Variants in CORO2B observed in about 807,000 individuals in gnomAD.
CORO2B encodes coronin-2B.
In CORO2B, 26 loss-of-function variants were observed where a neutral mutation model predicts 58.8. The observed-to-expected ratio is 0.44, with a 90% CI of 0.32 to 0.61. The LOEUF is 0.61. CORO2B is among the 20% of genes least tolerant of loss of function. CORO2B has a pLI of 0.04. For missense variants in CORO2B, 460 were observed against 645.1 expected, an observed-to-expected ratio of 0.71 and a Z score of 3.11; for synonymous variants, 242 against 253.8, an observed-to-expected ratio of 0.95 and a Z score of 0.44.
chr15:68,645,350 C>T lies in CORO2B; in HGVS notation c.206C>T (p.Pro69Leu), dbSNP rs1901389883. Residue 69 changes from proline to leucine, a missense_variant, in exon 2 of 12, where the codon CCC becomes CTC. Pro to Leu is a moderately conservative substitution (Grantham distance 98, BLOSUM62 -3). Coordinates refer to ENST00000261861, the MANE Select transcript of CORO2B (RefSeq NM_006091.5). The surrounding 1 kb of genome is among the most constrained non-coding windows in gnomAD (Gnocchi z 4.5). ...GGGGGCGGCTCCTTCCTCGTCATCC[C>T]CCTGGAGCAGGTAGGTGGCCCCTAC... ...SAGGGSFLVI[P>L]LEQTGRIEPN... 1 of 1,611,172 alleles carries T rather than the reference C, an allele frequency of 6.2e-7. No homozygotes were observed.
At chr15:68,717,688 CAGA>C (rs5813507) in intron 8 of CORO2B, among the ~76,000 whole-genome samples, 125,820 of 151,984 alleles carry the variant, frequency 0.83, 55,249 homozygotes, top group Non-Finnish European at 0.96. Flanking sequence ...TGCTAAGTAG[CAGA>C]AGAAGAACTC....
At chr15:68,603,628 C>G (rs534274385) in intron 1 of CORO2B, among the ~76,000 whole-genome samples, 4 of 152,034 alleles carry the variant, frequency 2.6e-5, no homozygotes, top group Admixed American at 1.3e-4. Flanking sequence ...AGAGCCCTGG[C>G]CCAGTAGGAC....
At chr15:68,592,258 A>C (rs549063421) in intron 1 of CORO2B, among the ~76,000 whole-genome samples, 2 of 152,210 alleles carry the variant, frequency 1.3e-5, no homozygotes, top group South Asian at 4.1e-4. Flanking sequence ...GTTCATTGTC[A>C]TACATGTGGT....
chr15:68,544,055 A>G, the CORO2B span, among the ~76,000 whole-genome samples: 4,876 of 152,162 alleles, frequency 0.032, 278 homozygotes, highest in African/African-American at 0.11. Flanking sequence ...CTCAGACCCC[A>G]CCTTGGTGAC....
At chr15:68,619,531 AG>A (rs1900458060) in intron 1 of CORO2B, among the ~76,000 whole-genome samples, 2 of 152,050 alleles carry the variant, frequency 1.3e-5, no homozygotes, top group African/African-American at 4.8e-5. Context: ...GGACTGTTGG[AG>A]CTGGAAATGT....
At chr15:68,644,860 G>C (rs1294724365) in intron 1 of CORO2B, among the ~76,000 whole-genome samples, 1 of 152,194 alleles carries the variant, frequency 6.6e-6, no homozygotes, top group African/African-American at 2.4e-5. Flanking sequence ...TTCCTGGGTA[G>C]TAAAAGGACC....
intron 2 of CORO2B, among the ~76,000 whole-genome samples, chr15:68,669,759 A>C (rs576470305): frequency 2.0e-5 from 3 of 152,056 alleles, no homozygotes; most frequent in African/African-American, 7.2e-5. Context: ...TAAACCAAAT[A>C]AGAAAAAATA....
chr15:68,532,306 C>T, the CORO2B span, among the ~76,000 whole-genome samples: 1 of 152,050 alleles, frequency 6.6e-6, no homozygotes, highest in East Asian at 1.9e-4. Flanking sequence ...TTTGGTGCTG[C>T]CCCATAAGAC....
At chr15:68,701,020 G>A (rs545596245) in intron 3 of CORO2B, among the ~76,000 whole-genome samples, 1 of 152,320 alleles carries the variant, frequency 6.6e-6, no homozygotes, top group Non-Finnish European at 1.5e-5. Context: ...CAGGATGTCA[G>A]CCCTGCTGGA....
the CORO2B span, among the ~76,000 whole-genome samples, chr15:68,549,763 A>C: frequency 6.6e-6 from 1 of 151,722 alleles, no homozygotes; most frequent in Admixed American, 6.6e-5. Flanking sequence ...ACATGGTGAA[A>C]CCCTGTCTCT....
At chr15:68,537,189 T>C in the CORO2B span, among the ~76,000 whole-genome samples, 9 of 152,246 alleles carry the variant, frequency 5.9e-5, no homozygotes, top group Admixed American at 2.0e-4. Flanking sequence ...CACCTTGGTA[T>C]GCTGGATTAC....
rs190329238 is a variant in CORO2B, at chr15:68,612,500, G to A, written c.16-32660G>A. 1.8e-3 allele frequency among the ~76,000 whole-genome samples: 269 copies of A among 152,324 alleles called. 2 individuals are homozygous for A. The highest frequency in any genetic ancestry group is 5.9e-3 in the African/African-American group (247 of 41,566). On this transcript the variant is annotated intron_variant, in intron 1 of 11. Coordinates refer to ENST00000261861, the MANE Select transcript of CORO2B (RefSeq NM_006091.5). ...TGTGGAAGTGAGTGCTCTGAGGTCT[G>A]GGGTAGAGCAGGAAAACTGAGAGCT... is the stretch of plus-strand genomic sequence containing the variant.
chr15:68,663,130 G>A (rs946261868), intron 2 of CORO2B, among the ~76,000 whole-genome samples: 8 of 152,142 alleles, frequency 5.3e-5, no homozygotes, highest in South Asian at 2.1e-4. Context: ...TTTTTTACAC[G>A]AAGATCACCA....
chr15:68,620,252 GT>G (rs1280913077), intron 1 of CORO2B, among the ~76,000 whole-genome samples: 1 of 152,162 alleles, frequency 6.6e-6, no homozygotes, highest in Non-Finnish European at 1.5e-5. Context: ...AGGAAAAAAG[GT>G]AGCTAGGACA....
At chr15:68,559,630 C>T in the CORO2B span, 1 of 985,364 alleles carries the variant, frequency 1.0e-6, no homozygotes, top group South Asian at 4.7e-5. The surrounding 1 kb of genome is among the most constrained non-coding windows in gnomAD (Gnocchi z 4.3). Context: ...GGCCCCCAGA[C>T]TTTTTCTTTC....
intron 2 of CORO2B, among the ~76,000 whole-genome samples, chr15:68,670,264 C>T (rs1019993343): frequency 6.6e-6 from 1 of 151,996 alleles, no homozygotes; most frequent in Non-Finnish European, 1.5e-5. Context: ...AACCTCCACC[C>T]GCTGGGTTTA....
the CORO2B span, among the ~76,000 whole-genome samples, chr15:68,567,910 C>G: frequency 2.0e-5 from 3 of 152,162 alleles, no homozygotes; most frequent in Non-Finnish European, 2.9e-5. Context: ...ATCCCAGCTA[C>G]TTGGGAGCCT....
At chr15:68,588,433 A>G (rs1239902649) in intron 1 of CORO2B, among the ~76,000 whole-genome samples, 3 of 152,178 alleles carry the variant, frequency 2.0e-5, no homozygotes, top group Non-Finnish European at 4.4e-5. Context: ...TCCTGCTTTC[A>G]TTTGAAAAGT....
At chr15:68,520,512 A>G in the CORO2B span, among the ~76,000 whole-genome samples, 1 of 152,210 alleles carries the variant, frequency 6.6e-6, no homozygotes, top group African/African-American at 2.4e-5. Flanking sequence ...TCATTATGAA[A>G]TGTCTCTCTT....
Sources: gnomAD v4.1 joint callset for allele counts (sites outside exome capture counted in the v4.1 genomes callset) on GRCh38, gnomAD v4.1.1 for gene constraint, Gnocchi (gnomAD v3.1) non-coding constraint, MANE v1.5 for transcripts, NCBI Gene and HGNC (gene_info 2026-07-23, HGNC 2026-07-21) for gene names.